SPECC1: variants seen among roughly 807,000 people sequenced by gnomAD.
SPECC1 encodes the protein cytospin-B.
Under a neutral mutation model 104.1 loss-of-function variants are expected in SPECC1, and 62 were observed. The ratio of observed to expected loss-of-function variants is 0.60; its 90% CI spans 0.49 to 0.74. SPECC1 has a LOEUF of 0.74. Among genes scored for constraint, SPECC1 ranks in the 30% least tolerant of loss-of-function variants. The probability of loss-of-function intolerance (pLI) is 0.00; values close to 1 mark genes in which losing one functional copy is unlikely to be tolerated. For missense variants in SPECC1, 1,306 were observed against 1,310.5 expected (o/e 1.00, Z 0.05); for synonymous variants, 513 against 501.6 (o/e 1.02, Z -0.30).
intron 1 of SPECC1, chr17:20,010,106 C>T (rs1446848568): frequency 6.6e-6 from 1 of 151,946 alleles, no homozygotes; most frequent in Admixed American, 6.5e-5. Context: ...GACCTCCTTC[C>T]CCAGTGCCCA....
intron 1 of SPECC1, among the ~76,000 whole-genome samples, chr17:20,023,677 A>T (rs1259834518): frequency 6.6e-6 from 1 of 152,208 alleles, no homozygotes; most frequent in Non-Finnish European, 1.5e-5. Flanking sequence ...GAAAGCTGAG[A>T]TTGGGTTCTG....
chr17:20,261,501 C>CAA (rs75833770), intron 12 of SPECC1, among the ~76,000 whole-genome samples: 77 of 54,616 alleles, frequency 1.4e-3, no homozygotes, highest in African/African-American at 2.7e-3. Context: ...GACTCCGTCT[C>CAA]AAAAAAAAAA....
At chr17:20,055,731 C>T (rs1034960259) in intron 1 of SPECC1, among the ~76,000 whole-genome samples, 8 of 152,230 alleles carry the variant, frequency 5.3e-5, no homozygotes, top group African/African-American at 1.2e-4. Flanking sequence ...GTTCTGGCCC[C>T]GTCACTGATG....
At chr17:20,257,662 ATTC>A in intron 11 of SPECC1, 55 bp downstream of exon 11, 4 of 1,595,054 alleles carry the variant, frequency 2.5e-6, no homozygotes, top group Admixed American at 1.8e-5. Flanking sequence ...ATCACCTTTT[ATTC>A]TTCCTTCCGT....
intron 3 of SPECC1, among the ~76,000 whole-genome samples, chr17:20,171,029 A>G (rs2034049356): frequency 6.6e-6 from 1 of 152,222 alleles, no homozygotes; most frequent in Admixed American, 6.5e-5. Flanking sequence ...TTTGATCTGT[A>G]AGCAGATAAA....
Position 20,315,232 on chromosome 17 carries a change from CCT to C in SPECC1, c.*1170_*1171del, listed in dbSNP as rs1329045426. On this transcript the variant is annotated 3_prime_UTR_variant, in exon 15 of 15. Transcript: ENST00000395527. ...ATTTGGCCTTTAGTGCTTCCCCAGG[CCT>C]CTTTCATCGGCATGGGAAAAGCCCT... 1 of 232,600 alleles carries C rather than the reference CCT, an allele frequency of 4.3e-6. No homozygotes were observed. Among genetic ancestry groups the C allele is most frequent in the Non-Finnish European group, 8.5e-6 (1 of 117,708 alleles). 14.4% of individuals were successfully genotyped at this position (232,600 alleles called of 1,614,324 possible).
At position 20,043,538 on chromosome 17, in the gene SPECC1, T is replaced by C. The variant is rs150187804; in HGVS notation, c.-22+34114T>C. Among the ~76,000 whole-genome samples the C allele has an allele frequency of 2.6e-5, 4 of 152,352 alleles. No individual in the cohort carries two copies. The East Asian group carries it at 7.7e-4, about 29-fold the overall frequency. On this transcript the variant is annotated intron_variant, in intron 1 of 14. Coordinates refer to ENST00000395527, the MANE Select transcript of SPECC1 (RefSeq NM_001243439.2). ...TTTTAATTCATGTTTTATAATTCAT[T>C]ACTGTCATGTTTTTCTTGAAATTGT...
At chr17:20,130,568 T>C (rs901924619) in intron 3 of SPECC1, among the ~76,000 whole-genome samples, 7 of 152,184 alleles carry the variant, frequency 4.6e-5, no homozygotes, top group African/African-American at 1.7e-4. Context: ...GGGCATACTT[T>C]TATTCTGGGT....
intron 1 of SPECC1, among the ~76,000 whole-genome samples, chr17:20,021,500 A>G (rs1338800402): frequency 6.6e-6 from 1 of 151,652 alleles, no homozygotes; most frequent in Non-Finnish European, 1.5e-5. Context: ...ATGTCTCCTT[A>G]TGGACTTGTG....
intron 3 of SPECC1, among the ~76,000 whole-genome samples, chr17:20,159,623 A>G (rs1289140004): frequency 6.6e-6 from 1 of 152,210 alleles, no homozygotes; most frequent in Non-Finnish European, 1.5e-5. Flanking sequence ...TGGCAGCAGG[A>G]TTCCTCTGTT....
chr17:20,256,190 T>C (rs2039824626), intron 10 of SPECC1, among the ~76,000 whole-genome samples: 1 of 152,174 alleles, frequency 6.6e-6, no homozygotes, highest in Admixed American at 6.5e-5. Flanking sequence ...ACCATTCTTT[T>C]AGTTGACACG....
chr17:20,189,967 G>GT (rs1441942622), intron 3 of SPECC1, among the ~76,000 whole-genome samples: 4 of 152,168 alleles, frequency 2.6e-5, no homozygotes, highest in Non-Finnish European at 5.9e-5. Flanking sequence ...ATTTGCATGA[G>GT]TGTAGGACTC....
intron 14 of SPECC1, among the ~76,000 whole-genome samples, chr17:20,312,103 A>T (rs1027009700): frequency 3.3e-5 from 5 of 152,164 alleles, no homozygotes; most frequent in Admixed American, 1.3e-4. Context: ...TAGTTTTGGT[A>T]TCAGGATAAT....
chr17:20,230,798 C>A (rs997721861), intron 5 of SPECC1, among the ~76,000 whole-genome samples: 2 of 152,198 alleles, frequency 1.3e-5, no homozygotes, highest in African/African-American at 4.8e-5. Context: ...CCAATCACTT[C>A]TTCCTATAAG....
chr17:20,238,485 C>G, intron 7 of SPECC1: 1 of 1,042,468 alleles, frequency 9.6e-7, no homozygotes, highest in Non-Finnish European at 1.2e-6. Flanking sequence ...AAGGATGAGA[C>G]AAGACAAAAG....
At chr17:20,287,692 G>A (rs991065917) in intron 12 of SPECC1, among the ~76,000 whole-genome samples, 2 of 152,030 alleles carry the variant, frequency 1.3e-5, no homozygotes, top group African/African-American at 4.8e-5. Flanking sequence ...GAGGTGCACA[G>A]GGCTCTGCAG....
At chr17:20,279,187 A>G (rs1204289717) in intron 12 of SPECC1, among the ~76,000 whole-genome samples, 3 of 151,760 alleles carry the variant, frequency 2.0e-5, no homozygotes, top group Non-Finnish European at 2.9e-5. Flanking sequence ...CCATTCTCTT[A>G]CTCGTGAAAT....
chr17:20,092,559 G>C (rs1049924961), intron 1 of SPECC1, among the ~76,000 whole-genome samples: 4 of 152,088 alleles, frequency 2.6e-5, no homozygotes, highest in African/African-American at 9.7e-5. Context: ...GTGTAGAAGA[G>C]TGTGTTCCTT....
chr17:20,205,389 T>C lies in SPECC1; in HGVS notation c.1340T>C (p.Leu447Ser). Residue 447 changes from leucine to serine, a missense_variant, in exon 4 of 15, where the codon TTA (leucine) becomes TCA (serine). Coordinates refer to ENST00000395527, the MANE Select transcript of SPECC1 (RefSeq NM_001243439.2). ...SQENEKLMNL[L>S]QERVKNEEPT... ...GAAAATGAGAAGCTGATGAATCTTT[T>C]ACAAGAGCGAGTAAAGAATGAAGAG... 6.2e-7 allele frequency: 1 copy of C among 1,613,728 alleles called. No homozygotes were observed. Among genetic ancestry groups the C allele is most frequent in the Non-Finnish European group, 8.5e-7 (1 of 1,179,958 alleles).
Sources: allele counts gnomAD v4.1 joint callset (sites outside exome capture counted in the v4.1 genomes callset), GRCh38; gene constraint gnomAD v4.1.1; transcripts MANE v1.5; gene names NCBI Gene and HGNC (gene_info 2026-07-23, HGNC 2026-07-21).